TSHZ1: variants seen among roughly 807,000 people sequenced by gnomAD.
TSHZ1 encodes the protein teashirt zinc finger homeobox 1.
TSHZ1 carries 12 observed loss-of-function variants against 67.1 expected under a neutral mutation model. The observed-to-expected ratio is 0.18, with a 90% CI of 0.11 to 0.29. TSHZ1 has a LOEUF of 0.29. Among genes scored for constraint, TSHZ1 ranks in the 10% least tolerant of loss-of-function variants. The pLI is 1.00. For synonymous variants in TSHZ1, 632 were observed against 622.4 expected (o/e 1.02, Z -0.23); for missense variants, 1,305 against 1,413.9 (o/e 0.92, Z 1.23).
At chr18:75,226,463 T>C (rs2022926964) in intron 1 of TSHZ1, among the ~76,000 whole-genome samples, 1 of 152,240 alleles carries the variant, frequency 6.6e-6, no homozygotes, top group Non-Finnish European at 1.5e-5. Flanking sequence ...AGTTAGAGTG[T>C]GATTAATAAT....
chr18:75,221,800 C>T (rs1459036064), intron 1 of TSHZ1, among the ~76,000 whole-genome samples: 1 of 152,180 alleles, frequency 6.6e-6, no homozygotes, highest in Non-Finnish European at 1.5e-5. Flanking sequence ...TGGGAAGGTC[C>T]TGGCATCGAG....
At chr18:75,249,482 A>T (rs9961698) in intron 1 of TSHZ1, among the ~76,000 whole-genome samples, 1 of 143,542 alleles carries the variant, frequency 7.0e-6, no homozygotes, top group Non-Finnish European at 1.5e-5. Context: ...TGGCTTTGGT[A>T]GGGGGGAAGG....
At chr18:75,251,706 G>A (rs1029118300) in intron 1 of TSHZ1, among the ~76,000 whole-genome samples, 3 of 152,144 alleles carry the variant, frequency 2.0e-5, no homozygotes, top group African/African-American at 7.2e-5. Flanking sequence ...TGGATTACAC[G>A]TGAGGGGGGA....
At chr18:75,228,085 G>A (rs942049741) in intron 1 of TSHZ1, among the ~76,000 whole-genome samples, 1 of 152,242 alleles carries the variant, frequency 6.6e-6, no homozygotes, top group Non-Finnish European at 1.5e-5. Context: ...GACACAGCCA[G>A]GGGAGGGACA....
chr18:75,249,545 T>A (rs2023268365), intron 1 of TSHZ1, among the ~76,000 whole-genome samples: 1 of 151,734 alleles, frequency 6.6e-6, no homozygotes, highest in African/African-American at 2.4e-5. Flanking sequence ...GCAGGTGACC[T>A]CCTCGCCATC....
chr18:75,250,701 G>A (rs1961262016), intron 1 of TSHZ1, among the ~76,000 whole-genome samples: 1 of 152,216 alleles, frequency 6.6e-6, no homozygotes, highest in African/African-American at 2.4e-5. Context: ...TGAGGTGCTA[G>A]CAGAGCTCGT....
At chr18:75,247,453 G>A (rs1014155047) in intron 1 of TSHZ1, among the ~76,000 whole-genome samples, 2 of 152,164 alleles carry the variant, frequency 1.3e-5, no homozygotes, top group Non-Finnish European at 2.9e-5. Flanking sequence ...AAAATGTAAT[G>A]GCCTTTATGA....
At chr18:75,271,249 T>A (rs2023553030) in intron 1 of TSHZ1, among the ~76,000 whole-genome samples, 1 of 152,152 alleles carries the variant, frequency 6.6e-6, no homozygotes, top group Admixed American at 6.5e-5. Flanking sequence ...AAAATGCAAG[T>A]AATGACTAGC....
chr18:75,235,366 A>G (rs1342842930), intron 1 of TSHZ1, among the ~76,000 whole-genome samples: 1 of 152,056 alleles, frequency 6.6e-6, no homozygotes, highest in Admixed American at 6.5e-5. Flanking sequence ...TTTGACCTCA[A>G]CATCAAAACT....
intron 1 of TSHZ1, among the ~76,000 whole-genome samples, chr18:75,270,891 A>G (rs943635794): frequency 6.6e-6 from 1 of 152,196 alleles, no homozygotes; most frequent in African/African-American, 2.4e-5. Flanking sequence ...TTGTTCTCCA[A>G]GCATTTTCAT....
At position 75,286,136 on chromosome 18, in the gene TSHZ1, C is replaced by T; in HGVS notation, c.729C>T (p.Ala243=). 1 of 1,613,370 alleles carries T rather than the reference C, an allele frequency of 6.2e-7. No homozygotes were observed. Residue 243 remains alanine, a synonymous_variant, in exon 2 of 2, where the codon GCC becomes GCT. Transcript: ENST00000580243. The surrounding 1 kb of genome is among the most constrained non-coding windows in gnomAD (Gnocchi z 5.1). ...NKLYGSVFTG[A]SKFRCKDCSA... ...TCTACGGCTCCGTCTTCACGGGCGC[C>T]AGCAAGTTCCGGTGCAAAGACTGCA...
At position 75,211,453 on chromosome 18, in the gene TSHZ1, G is replaced by C. The variant is rs1051383030; in HGVS notation, c.-424G>C. 4.6e-5 allele frequency: 7 copies of C among 151,158 alleles called. No individual in the cohort carries two copies. Among genetic ancestry groups the C allele is most frequent in the African/African-American group, 1.7e-4 (7 of 41,380 alleles). 9.4% of individuals were successfully genotyped at this position (151,158 alleles called of 1,614,324 possible). A position where few individuals can be genotyped will look rare whatever the true frequency, so the allele number is the denominator to read the frequency against. ...CGGCGACTCTCGGCTCGCGGAAGAA[G>C]GCGCAGGGGAGCGCCCGGAGCGGCG... On this transcript the variant is annotated 5_prime_UTR_variant, in exon 1 of 2. Coordinates refer to ENST00000580243, the MANE Select transcript of TSHZ1 (RefSeq NM_001308210.2).
rs1205382300 is a variant in TSHZ1 at position 75,211,466 on chromosome 18, G to C, written c.-411G>C. ...CTCGCGGAAGAAGGCGCAGGGGAGC[G>C]CCCGGAGCGGCGCGCCGGGAGGAGC... On this transcript the variant is annotated 5_prime_UTR_variant, in exon 1 of 2. Transcript: ENST00000580243. 1 of 150,076 alleles carries C rather than the reference G, an allele frequency of 6.7e-6. No homozygotes were observed. Among genetic ancestry groups the C allele is most frequent in the Non-Finnish European group, 1.5e-5 (1 of 67,284 alleles). 9.3% of individuals were successfully genotyped at this position (150,076 alleles called of 1,614,324 possible).
At position 75,287,418 on chromosome 18, in the gene TSHZ1, T is replaced by G; in HGVS notation, c.2011T>G (p.Ser671Ala). 6.2e-7 allele frequency: 1 copy of G among 1,613,684 alleles called. No individual in the cohort carries two copies. Among genetic ancestry groups the G allele is most frequent in the African/African-American group, 1.3e-5 (1 of 74,862 alleles). Residue 671 changes from serine to alanine, a missense_variant, in exon 2 of 2, where the codon TCC becomes GCC. Physicochemically the swap from Ser to Ala is moderately conservative, Grantham distance 99. This residue lies in a region of TSHZ1 where 909 missense variants were observed against 961.8 expected (regional missense o/e 0.95). Transcript: ENST00000580243. This position sits in a 1 kb window ranked among gnomAD's most constrained non-coding sequence, Gnocchi z 5.0. ...GAAGAGCTCCCTGGCCAAGGCTGCG[T>G]CCCCCATAGCAAAAGAGAATAAAGA... ...KEKSSLAKAA[S>A]PIAKENKDFP...
intron 1 of TSHZ1, among the ~76,000 whole-genome samples, chr18:75,216,848 T>C (rs1433040541): frequency 6.6e-6 from 1 of 152,104 alleles, no homozygotes; most frequent in African/African-American, 2.4e-5. Flanking sequence ...TGGTATTGGC[T>C]TGGGGAGCTT....
chr18:75,245,684 A>G (rs73481954), intron 1 of TSHZ1, among the ~76,000 whole-genome samples: 6 of 152,228 alleles, frequency 3.9e-5, no homozygotes, highest in African/African-American at 1.2e-4. Flanking sequence ...TGCTTAGTCA[A>G]ATGACAGATT....
intron 1 of TSHZ1, among the ~76,000 whole-genome samples, chr18:75,253,420 A>C (rs1259921634): frequency 2.0e-5 from 3 of 152,266 alleles, no homozygotes; most frequent in Admixed American, 2.0e-4. Context: ...AAAAAATCAA[A>C]TATCAGTTGA....
intron 1 of TSHZ1, chr18:75,284,750 C>A (rs141577827): frequency 6.6e-6 from 1 of 152,222 alleles, no homozygotes; most frequent in South Asian, 2.1e-4. Flanking sequence ...TGAGTGTGGA[C>A]GGGCCACACC....
intron 1 of TSHZ1, among the ~76,000 whole-genome samples, chr18:75,221,781 A>G (rs1049452902): frequency 2.6e-5 from 4 of 152,154 alleles, no homozygotes; most frequent in African/African-American, 9.7e-5. Context: ...GCCTTGCTTT[A>G]TTGTTACCTG....
Sources: gnomAD v4.1 joint callset for allele counts (sites outside exome capture counted in the v4.1 genomes callset) on GRCh38, gnomAD v4.1.1 for gene constraint, gnomAD v4.1.1 regional missense constraint, Gnocchi (gnomAD v3.1) non-coding constraint, MANE v1.5 for transcripts, NCBI Gene and HGNC (gene_info 2026-07-23, HGNC 2026-07-21) for gene names.